Variants in UNC79 observed in about 807,000 individuals in gnomAD.
UNC79 encodes protein unc-79 homolog.
Under a neutral mutation model 283.1 loss-of-function variants are expected in UNC79, and 37 were observed. That is an observed-to-expected ratio of 0.13 (90% CI 0.10 to 0.17). The LOEUF (loss-of-function observed/expected upper bound fraction) is 0.17, where lower values mean the gene tolerates loss of function less well. Ranked by LOEUF, UNC79 falls within the 10% of genes least tolerant of loss-of-function variation. The pLI is 1.00. For synonymous variants in UNC79, 1,107 were observed against 1,200.2 expected (o/e 0.92, Z 1.61); for missense variants, 2,272 against 3,211.1 (o/e 0.71, Z 7.07).
At chr14:93,524,365 T>G (rs1459480404) in intron 8 of UNC79, among the ~76,000 whole-genome samples, 6 of 152,230 alleles carry the variant, frequency 3.9e-5, no homozygotes, top group Non-Finnish European at 7.3e-5. Flanking sequence ...GGAAATGTAT[T>G]TTCTCTCTGT....
chr14:93,693,577 G>A (rs1406581091), intron 46 of UNC79, among the ~76,000 whole-genome samples: 1 of 152,148 alleles, frequency 6.6e-6, no homozygotes, highest in Non-Finnish European at 1.5e-5. Flanking sequence ...TTCTGATGAG[G>A]GACATCACCT....
Position 93,520,787 on chromosome 14 carries a change from C to G in UNC79, c.899-3191C>G, listed in dbSNP as rs1359216577. Reference sequence around the variant, plus strand: ...TTTAAATTATATCTCCCATCTCTATCCTCATTATGCCTATCTTCATGCTTT... The same window carrying G: ...TTTAAATTATATCTCCCATCTCTATGCTCATTATGCCTATCTTCATGCTTT... On this transcript the variant is annotated intron_variant, in intron 7 of 48. Transcript: ENST00000555664. Among the ~76,000 whole-genome samples, 4 of 151,892 alleles carry G rather than the reference C, an allele frequency of 2.6e-5. No individual in the cohort carries two copies. The East Asian group carries it at 5.8e-4, about 22-fold the overall frequency.
exon 14 of UNC79, chr14:93,542,493 A>T: frequency 6.2e-7 from 1 of 1,614,122 alleles, no homozygotes; most frequent in Non-Finnish European, 8.5e-7. Context: ...CAGTGAGAAC[A>T]CGCCTACAGA....
At chr14:93,559,672 G>T (rs1426902603) in intron 14 of UNC79, among the ~76,000 whole-genome samples, 1 of 152,132 alleles carries the variant, frequency 6.6e-6, no homozygotes, top group Non-Finnish European at 1.5e-5. Flanking sequence ...ATCAGTTAAG[G>T]CAGGGACTGG....
intron 27 of UNC79, among the ~76,000 whole-genome samples, chr14:93,614,318 TA>T (rs2066528406): frequency 6.6e-6 from 1 of 150,916 alleles, no homozygotes; most frequent in Non-Finnish European, 1.5e-5. Flanking sequence ...TTTATTTATT[TA>T]TTTATTTATT....
At chr14:93,428,768 C>G (rs1476031497), upstream of UNC79, among the ~76,000 whole-genome samples, 1 of 152,160 alleles carries the variant, frequency 6.6e-6, no homozygotes, top group Non-Finnish European at 1.5e-5. Context: ...TTATTCCTGA[C>G]AACCTTTAAT....
intron 40 of UNC79, among the ~76,000 whole-genome samples, chr14:93,662,972 A>G (rs1055491788): frequency 7.9e-5 from 12 of 152,192 alleles, no homozygotes; most frequent in African/African-American, 2.9e-4. Context: ...TGTGGTTAGA[A>G]CAGAAGTGGT....
At chr14:93,656,613 C>G (rs1416273034) in intron 38 of UNC79, among the ~76,000 whole-genome samples, 1 of 152,054 alleles carries the variant, frequency 6.6e-6, no homozygotes, top group African/African-American at 2.4e-5. Flanking sequence ...ATGATCGCAC[C>G]ACTGCACTCT....
chr14:93,600,540 T>C, intron 24 of UNC79, 29 bp from the exon 25 acceptor site: 1 of 1,552,836 alleles, frequency 6.4e-7, no homozygotes, highest in Middle Eastern at 2.1e-4. Context: ...CTTTCTTCTT[T>C]TCTTTTTTTT....
At chr14:93,704,509 A>G (rs527983594) in intron 47 of UNC79, 116 bp from the exon 51 acceptor site, 1 of 1,205,892 alleles carries the variant, frequency 8.3e-7, no homozygotes, top group African/African-American at 1.5e-5. Flanking sequence ...AGCAGGGCCC[A>G]CATCCGTGCG....
At chr14:93,569,160 G>A (rs1357685958) in intron 14 of UNC79, among the ~76,000 whole-genome samples, 1 of 152,246 alleles carries the variant, frequency 6.6e-6, no homozygotes, top group African/African-American at 2.4e-5. Context: ...TCTTGGCTGG[G>A]TGTGGTGGCT....
At chr14:93,648,465 G>T (rs2069875533) in intron 35 of UNC79, among the ~76,000 whole-genome samples, 1 of 152,096 alleles carries the variant, frequency 6.6e-6, no homozygotes, top group African/African-American at 2.4e-5. Context: ...ATATATTTAG[G>T]AAATATTTTG....
intron 37 of UNC79, among the ~76,000 whole-genome samples, chr14:93,654,830 C>T (rs1028877787): frequency 3.9e-5 from 6 of 152,136 alleles, no homozygotes; most frequent in Non-Finnish European, 5.9e-5. Context: ...GTTCAAGTCT[C>T]AGCACTGCTG....
intron 14 of UNC79, among the ~76,000 whole-genome samples, chr14:93,544,720 A>G (rs2061521173): frequency 6.6e-6 from 1 of 152,216 alleles, no homozygotes. Context: ...AGAATGAGGA[A>G]CCAGAAAAGC....
At chr14:93,597,688 C>A in intron 24 of UNC79, 148 bp downstream of exon 24, 1 of 965,042 alleles carries the variant, frequency 1.0e-6, no homozygotes, top group Non-Finnish European at 1.5e-6. Flanking sequence ...AAATTTATTT[C>A]GCAGATTGTC....
chr14:93,620,627 G>A (rs1173124482), intron 29 of UNC79, among the ~76,000 whole-genome samples: 1 of 152,178 alleles, frequency 6.6e-6, no homozygotes, highest in Non-Finnish European at 1.5e-5. Context: ...CCAAAAAGGC[G>A]CTATTGGACT....
At chr14:93,619,367 G>A (rs1205665398) in intron 29 of UNC79, among the ~76,000 whole-genome samples, 2 of 152,222 alleles carry the variant, frequency 1.3e-5, no homozygotes, top group Non-Finnish European at 2.9e-5. Context: ...TTTCTGGATG[G>A]GAGGCGCCAT....
intron 1 of UNC79, among the ~76,000 whole-genome samples, chr14:93,386,548 GTTC>G (rs1337761508): frequency 6.6e-6 from 1 of 152,176 alleles, no homozygotes; most frequent in African/African-American, 2.4e-5. Flanking sequence ...ATTGGTATTA[GTTC>G]TTCTTTAAAT....
At chr14:93,362,466 A>G (rs1053972141) in intron 1 of UNC79, among the ~76,000 whole-genome samples, 21 of 152,178 alleles carry the variant, frequency 1.4e-4, no homozygotes, top group African/African-American at 5.1e-4. Context: ...TTCCTGCCTC[A>G]GCCTCCCAAG....
Sources: gnomAD v4.1 joint callset for allele counts (sites outside exome capture counted in the v4.1 genomes callset) on GRCh38, gnomAD v4.1.1 for gene constraint, MANE v1.5 for transcripts, NCBI Gene and HGNC (gene_info 2026-07-23, HGNC 2026-07-21) for gene names.